Variants in CLN6 observed in about 807,000 individuals in gnomAD.
The protein encoded by CLN6 is CLN6 transmembrane ER protein, also known as ceroid-lipofuscinosis neuronal protein 6.
CLN6 carries 22 observed loss-of-function variants against 33.3 expected under a neutral mutation model. The ratio of observed to expected loss-of-function variants is 0.66; its 90% CI spans 0.47 to 0.94. The LOEUF (loss-of-function observed/expected upper bound fraction) is 0.94. CLN6 is among the 40% of genes least tolerant of loss of function. CLN6 has a pLI of 0.00. For synonymous variants in CLN6, 201 were observed against 174.6 expected, an observed-to-expected ratio of 1.15 and a Z score of -1.19; for missense variants, 387 against 417.1, an observed-to-expected ratio of 0.93 and a Z score of 0.63.
chr15:68,228,642 T>A lies in CLN6; in HGVS notation c.83+860A>T, dbSNP rs993586075. Among the ~76,000 whole-genome samples, 62 of 152,134 alleles carry A rather than the reference T, an allele frequency of 4.1e-4. No individual in the cohort carries two copies. Among genetic ancestry groups the A allele is most frequent in the African/African-American group, 1.4e-3 (60 of 41,416 alleles). The stretch of plus-strand genomic sequence containing the variant: ...CCTGGATGGAACAGCCTGTCTTCCC[T>A]GGGTCCCCTACCAAGTCCTCTGAGA... On this transcript the variant is annotated intron_variant, in intron 1 of 6. Coordinates refer to ENST00000249806, the MANE Select transcript of CLN6 (RefSeq NM_017882.3). The surrounding 1 kb of genome is among the most constrained non-coding windows in gnomAD (Gnocchi z 4.4).
Position 68,229,489 on chromosome 15 carries a change from G to C in CLN6, c.83+13C>G. The C allele has an allele frequency of 6.8e-7, 1 of 1,460,648 alleles. No individual in the cohort carries two copies. 90.5% of individuals were successfully genotyped at this position (1,460,648 alleles called of 1,614,324 possible). On this transcript the variant is annotated intron_variant, in intron 1 of 6. Coordinates refer to ENST00000249806, the MANE Select transcript of CLN6 (RefSeq NM_017882.3). The stretch of plus-strand genomic sequence containing the variant: ...GGCGCCTAGCCCGCCCTCTCACCCC[G>C]GCGCGCGCCCACCTGGCCTGCAGGA...
intron 1 of CLN6, among the ~76,000 whole-genome samples, chr15:68,240,821 T>A (rs1272025622): frequency 6.6e-6 from 1 of 151,510 alleles, no homozygotes; most frequent in Non-Finnish European, 1.5e-5. Context: ...CTGTCTCTAC[T>A]AAAAATACAA....
Position 68,211,249 on chromosome 15 carries a change from G to A in CLN6, c.542+14C>T. 8 of 1,613,316 alleles carry A rather than the reference G, an allele frequency of 5.0e-6. No homozygotes were observed. Among genetic ancestry groups the A allele is most frequent in the Non-Finnish European group, 5.9e-6 (7 of 1,179,374 alleles). ...TTGGGGCCCCTGGGATAGACAGATG[G>A]GCCCATCACTCACCACATGCAGTGA... On this transcript the variant is annotated intron_variant, in intron 5 of 6. Coordinates refer to ENST00000249806, the MANE Select transcript of CLN6 (RefSeq NM_017882.3). The surrounding 1 kb of genome is among the most constrained non-coding windows in gnomAD (Gnocchi z 5.9).
chr15:68,235,587 A>AATAAATAT (rs1862434089), intron 1 of CLN6, among the ~76,000 whole-genome samples: 5 of 95,080 alleles, frequency 5.3e-5, no homozygotes, highest in African/African-American at 2.3e-4. Flanking sequence ...AATAAAAATA[A>AATAAATAT]ATATATATAT....
Position 68,242,254 on chromosome 15 carries a change from T to C in CLN6, c.179+14436A>G, listed in dbSNP as rs1892286290. On this transcript the variant is annotated intron_variant, in intron 1 of 6. Coordinates refer to the CLN6 transcript ENST00000538696. This position sits in a 1 kb window ranked among gnomAD's most constrained non-coding sequence, Gnocchi z 5.0. ...AAGATTGAAATTTTTAAAAATCAAA[T>C]CTTGGAACTGAGAAATACATTTGCT... Among the ~76,000 whole-genome samples, 1 of 152,118 alleles carries C rather than the reference T, an allele frequency of 6.6e-6. No homozygotes were observed. Among genetic ancestry groups the C allele is most frequent in the Non-Finnish European group, 1.5e-5 (1 of 68,006 alleles).
chr15:68,224,985 C>A (rs767344809), intron 1 of CLN6, among the ~76,000 whole-genome samples: 3 of 152,118 alleles, frequency 2.0e-5, no homozygotes, highest in African/African-American at 7.2e-5. Flanking sequence ...TTAAAATCCT[C>A]AAGGCAGTCA....
At chr15:68,223,628 A>G (rs966398167) in intron 1 of CLN6, among the ~76,000 whole-genome samples, 7 of 152,120 alleles carry the variant, frequency 4.6e-5, no homozygotes, top group Non-Finnish European at 8.8e-5. Context: ...TGTATCTGGA[A>G]GTTATGTGTA....
rs1379106872 is a variant in CLN6, at chr15:68,220,559, C to T, written c.84-1909G>A. On this transcript the variant is annotated intron_variant, in intron 1 of 6. Coordinates refer to ENST00000249806, the MANE Select transcript of CLN6 (RefSeq NM_017882.3). This position sits in a 1 kb window ranked among gnomAD's most constrained non-coding sequence, Gnocchi z 4.2. ...TCTAAGGGTGCAAGCCCAGGACTGC[C>T]TACAGCCAAGGTTCCACCCTCAAGG... Among the ~76,000 whole-genome samples the T allele has an allele frequency of 6.6e-6, 1 of 152,222 alleles. No individual in the cohort carries two copies. Among genetic ancestry groups the T allele is most frequent in the Non-Finnish European group, 1.5e-5 (1 of 68,040 alleles).
chr15:68,244,551 A>G (rs1486549379), intron 1 of CLN6, among the ~76,000 whole-genome samples: 1 of 152,186 alleles, frequency 6.6e-6, no homozygotes, highest in East Asian at 1.9e-4. Flanking sequence ...TCTTAAAAGA[A>G]ATGCTAAATG....
intron 1 of CLN6, among the ~76,000 whole-genome samples, chr15:68,243,799 C>T (rs1892299703): frequency 6.7e-6 from 1 of 149,944 alleles, no homozygotes; most frequent in Admixed American, 6.7e-5. Context: ...CATGGTGGCT[C>T]ACGCCTGTAA....
At chr15:68,239,225 G>C (rs1007075223) in intron 1 of CLN6, among the ~76,000 whole-genome samples, 1 of 151,662 alleles carries the variant, frequency 6.6e-6, no homozygotes, top group East Asian at 1.9e-4. Context: ...GCCAAAAAAG[G>C]GTATGGTAAA....
At chr15:68,230,909 A>G (rs573886011), upstream of CLN6, among the ~76,000 whole-genome samples, 31 of 152,204 alleles carry the variant, frequency 2.0e-4, no homozygotes, top group Non-Finnish European at 3.7e-4. The surrounding 1 kb of genome is among the most constrained non-coding windows in gnomAD (Gnocchi z 4.0). Context: ...GGCGCACACG[A>G]CATGTGCAGG....
chr15:68,217,765 G>C (rs2093224418), intron 2 of CLN6, among the ~76,000 whole-genome samples: 1 of 152,180 alleles, frequency 6.6e-6, no homozygotes, highest in Non-Finnish European at 1.5e-5. Flanking sequence ...TGGGGGCCAT[G>C]AATAGTCACA....
At chr15:68,233,294 C>G (rs1892182907), upstream of CLN6, among the ~76,000 whole-genome samples, 1 of 144,576 alleles carries the variant, frequency 6.9e-6, no homozygotes, top group South Asian at 2.3e-4. The surrounding 1 kb of genome is among the most constrained non-coding windows in gnomAD (Gnocchi z 4.3). Context: ...ATGTATGAAA[C>G]ACCTACGGGG....
chr15:68,256,642 G>C lies in CLN6; in HGVS notation c.179+48C>G. 1 of 599,670 alleles carries C rather than the reference G, an allele frequency of 1.7e-6. No individual in the cohort carries two copies. Among genetic ancestry groups the C allele is most frequent in the South Asian group, 2.0e-5 (1 of 50,652 alleles). The allele number at this position is 599,670 out of a possible 1,614,324, so 37.1% of individuals were successfully genotyped here. On this transcript the variant is annotated intron_variant, in intron 1 of 6. Transcript: ENST00000538696. The surrounding 1 kb of genome is among the most constrained non-coding windows in gnomAD (Gnocchi z 4.1). ...TCGCACAGGGCCCCACGTTCAGAAG[G>C]GCTTCGCCCTTGGTTTAATGCGCTG...
chr15:68,217,251 A>G (rs563707839), intron 2 of CLN6, among the ~76,000 whole-genome samples: 1 of 152,280 alleles, frequency 6.6e-6, no homozygotes, highest in East Asian at 1.9e-4. Flanking sequence ...TTGTTTTTTG[A>G]GACAGGGTCT....
chr15:68,230,905 CACG>C (rs1482289961), upstream of CLN6, among the ~76,000 whole-genome samples: 1 of 152,168 alleles, frequency 6.6e-6, no homozygotes, highest in Non-Finnish European at 1.5e-5. This position sits in a 1 kb window ranked among gnomAD's most constrained non-coding sequence, Gnocchi z 4.0. Context: ...ACCAGGCGCA[CACG>C]ACATGTGCAG....
chr15:68,223,848 C>A (rs1359307800), intron 1 of CLN6, among the ~76,000 whole-genome samples: 1 of 151,764 alleles, frequency 6.6e-6, no homozygotes, highest in Non-Finnish European at 1.5e-5. Flanking sequence ...GAGTTCGAGA[C>A]CAGCCTGGCC....
intron 1 of CLN6, among the ~76,000 whole-genome samples, chr15:68,250,824 T>C (rs911799828): frequency 2.6e-5 from 4 of 152,162 alleles, no homozygotes; most frequent in Admixed American, 2.0e-4. Flanking sequence ...TGTGAACTAC[T>C]TTCAAATCAC....
Sources: allele counts gnomAD v4.1 joint callset (sites outside exome capture counted in the v4.1 genomes callset), GRCh38; gene constraint gnomAD v4.1.1; non-coding constraint Gnocchi (gnomAD v3.1); transcripts MANE v1.5; gene names NCBI Gene and HGNC (gene_info 2026-07-23, HGNC 2026-07-21).